SAMD4A: variants seen among roughly 807,000 people sequenced by gnomAD.
SAMD4A encodes sterile alpha motif domain containing 4A.
A neutral mutation model predicts 81.3 loss-of-function variants in SAMD4A; 33 were observed. The observed-to-expected ratio is 0.41, with a 90% CI of 0.31 to 0.54. The LOEUF is 0.54. SAMD4A is among the 20% of genes least tolerant of loss of function. The pLI is 0.37. For synonymous variants in SAMD4A, 389 were observed against 382.1 expected (o/e 1.02, Z -0.21); for missense variants, 854 against 951.1 (o/e 0.90, Z 1.34).
At chr14:54,579,199 A>G (rs1483463844) in intron 2 of SAMD4A, among the ~76,000 whole-genome samples, 1 of 152,258 alleles carries the variant, frequency 6.6e-6, no homozygotes, top group East Asian at 1.9e-4. Context: ...AAGAAGCAGA[A>G]CGAGTGGTTG....
intron 10 of SAMD4A, among the ~76,000 whole-genome samples, chr14:54,776,040 A>G (rs1238149062): frequency 6.9e-6 from 1 of 145,042 alleles, no homozygotes; most frequent in Non-Finnish European, 1.5e-5. Flanking sequence ...AAAAAAAAAA[A>G]AATCAGAGCC....
At chr14:54,602,861 T>C (rs1330191128) in intron 2 of SAMD4A, among the ~76,000 whole-genome samples, 1 of 152,098 alleles carries the variant, frequency 6.6e-6, no homozygotes, top group African/African-American at 2.4e-5. Context: ...AGGCTAAATG[T>C]CTGGATCCTT....
Position 54,765,399 on chromosome 14 carries a change from G to T in SAMD4A, c.1596+859G>T, listed in dbSNP as rs535645844. On this transcript the variant is annotated intron_variant, in intron 8 of 12. Transcript: ENST00000554335. ...ACACTTTGGGAGGCCGAGGTGGGAG[G>T]ATCACTCGAGGCCAGGAGCTTGAGA... is the stretch of plus-strand genomic sequence containing the variant. Among the ~76,000 whole-genome samples the T allele has an allele frequency of 1.1e-4, 17 of 149,978 alleles. 1 individual carries two copies. Among genetic ancestry groups the T allele is most frequent in the Non-Finnish European group, 2.4e-4 (16 of 67,776 alleles).
intron 9 of SAMD4A, among the ~76,000 whole-genome samples, chr14:54,770,511 C>T (rs1046718772): frequency 2.0e-5 from 3 of 152,200 alleles, no homozygotes; most frequent in East Asian, 1.9e-4. Flanking sequence ...TATGATTTAA[C>T]AAATGCAGGC....
chr14:54,670,131 C>T (rs1202389017), intron 2 of SAMD4A, among the ~76,000 whole-genome samples: 4 of 152,158 alleles, frequency 2.6e-5, no homozygotes, highest in Non-Finnish European at 5.9e-5. Context: ...AGTTCTCGCT[C>T]TGCCTGTCTG....
chr14:54,626,094 G>A (rs2034757773), intron 2 of SAMD4A, among the ~76,000 whole-genome samples: 1 of 151,432 alleles, frequency 6.6e-6, no homozygotes, highest in Non-Finnish European at 1.5e-5. Context: ...ACATGTGCAT[G>A]CATGAGGGAC....
chr14:54,779,380 T>C (rs1482674737), intron 11 of SAMD4A, among the ~76,000 whole-genome samples: 1 of 152,258 alleles, frequency 6.6e-6, no homozygotes, highest in East Asian at 1.9e-4. Context: ...TGCAGTGTTT[T>C]CCTCCTGGCT....
At chr14:54,690,313 G>A (rs957528104) in intron 2 of SAMD4A, among the ~76,000 whole-genome samples, 2 of 152,170 alleles carry the variant, frequency 1.3e-5, no homozygotes, top group Non-Finnish European at 2.9e-5. Flanking sequence ...GGGTTCAGAT[G>A]TGTCCAAGAC....
intron 4 of SAMD4A, among the ~76,000 whole-genome samples, chr14:54,744,334 A>G (rs566861910): frequency 3.3e-5 from 5 of 152,188 alleles, no homozygotes; most frequent in Non-Finnish European, 7.3e-5. Flanking sequence ...TGCAGCATGC[A>G]TTAGAGACAA....
intron 3 of SAMD4A, among the ~76,000 whole-genome samples, chr14:54,726,480 AT>A (rs1300280391): frequency 6.6e-6 from 1 of 152,164 alleles, no homozygotes; most frequent in Non-Finnish European, 1.5e-5. Context: ...GAGGGTATGA[AT>A]TTTGTCTTTT....
chr14:54,742,963 T>C (rs2037880951), intron 4 of SAMD4A, among the ~76,000 whole-genome samples: 1 of 152,244 alleles, frequency 6.6e-6, no homozygotes, highest in Non-Finnish European at 1.5e-5. Context: ...TGTGGTCTAC[T>C]CTGAAATAGC....
intron 2 of SAMD4A, among the ~76,000 whole-genome samples, chr14:54,609,102 A>T (rs2034291934): frequency 6.6e-6 from 1 of 152,110 alleles, no homozygotes; most frequent in Admixed American, 6.6e-5. Context: ...GAGTAGGGGG[A>T]TTTAGGTTGC....
At chr14:54,769,828 G>C (rs2038653624) in intron 8 of SAMD4A, among the ~76,000 whole-genome samples, 1 of 152,188 alleles carries the variant, frequency 6.6e-6, no homozygotes, top group South Asian at 2.1e-4. Context: ...AGGAGGGAGG[G>C]GGAATGTGGA....
In SAMD4A at chr14:54,792,371, T is replaced by C. The variant is rs1056519061; in HGVS notation, c.*3427T>C. 1.3e-5 allele frequency: 2 copies of C among 152,220 alleles called. No homozygotes were observed. Among genetic ancestry groups the C allele is most frequent in the Admixed American group, 1.3e-4 (2 of 15,284 alleles). The allele number at this position is 152,220 out of a possible 1,614,324, so 9.4% of individuals were successfully genotyped here. On this transcript the variant is annotated 3_prime_UTR_variant, in exon 13 of 13. Transcript: ENST00000554335. ...GGAAACAAGGGTTTCTTTTGAGGTGTCCTTGGCTGCCTTTTACGGGATGGG... is the reference window on the plus strand; with the variant it reads ...GGAAACAAGGGTTTCTTTTGAGGTGCCCTTGGCTGCCTTTTACGGGATGGG...
chr14:54,632,094 C>T (rs1440402658), intron 2 of SAMD4A, among the ~76,000 whole-genome samples: 2 of 152,158 alleles, frequency 1.3e-5, no homozygotes, highest in Non-Finnish European at 2.9e-5. Flanking sequence ...GTACAATAAA[C>T]ATGCATTGCC....
At chr14:54,783,631 G>A (rs970370359) in intron 11 of SAMD4A, among the ~76,000 whole-genome samples, 3 of 152,270 alleles carry the variant, frequency 2.0e-5, no homozygotes, top group Non-Finnish European at 2.9e-5. Context: ...GTTACCTGCA[G>A]TTGCTGTGGC....
intron 4 of SAMD4A, among the ~76,000 whole-genome samples, chr14:54,747,826 G>T (rs994301003): frequency 6.6e-6 from 1 of 152,210 alleles, no homozygotes; most frequent in Admixed American, 6.5e-5. Context: ...TCTTTAGAAT[G>T]ATCTAGGGAT....
chr14:54,750,986 G>A (rs1157748317), intron 5 of SAMD4A, among the ~76,000 whole-genome samples: 3 of 152,260 alleles, frequency 2.0e-5, no homozygotes, highest in Non-Finnish European at 4.4e-5. Flanking sequence ...AGATGGCTGG[G>A]TGCGGTGGCT....
chr14:54,609,106 A>T (rs1020585704), intron 2 of SAMD4A, among the ~76,000 whole-genome samples: 1 of 152,242 alleles, frequency 6.6e-6, no homozygotes. Flanking sequence ...AGGGGGATTT[A>T]GGTTGCAGAT....
Sources: allele counts gnomAD v4.1 joint callset (sites outside exome capture counted in the v4.1 genomes callset), GRCh38; gene constraint gnomAD v4.1.1; transcripts MANE v1.5; gene names NCBI Gene and HGNC (gene_info 2026-07-23, HGNC 2026-07-21).